Variants in SAE1 observed in about 807,000 individuals in gnomAD.
SAE1 encodes SUMO-activating enzyme subunit 1.
SAE1 carries 11 observed loss-of-function variants against 40.6 expected under a neutral mutation model. The observed-to-expected ratio is 0.27, with a 90% CI of 0.17 to 0.45. SAE1 has a LOEUF of 0.45. Among genes scored for constraint, SAE1 ranks in the 20% least tolerant of loss-of-function variants. The probability of loss-of-function intolerance (pLI) is 1.00; values close to 1 mark genes in which losing one functional copy is unlikely to be tolerated. For synonymous variants in SAE1, 155 were observed against 154.3 expected (o/e 1.00, Z -0.03); for missense variants, 373 against 427.3 (o/e 0.87, Z 1.12).
chr19:47,159,855 G>A (rs2058348052), intron 5 of SAE1, among the ~76,000 whole-genome samples: 1 of 151,966 alleles, frequency 6.6e-6, no homozygotes, highest in African/African-American at 2.4e-5. Flanking sequence ...CACCACACTC[G>A]ACTGGTTTTT....
intron 5 of SAE1, among the ~76,000 whole-genome samples, chr19:47,160,367 G>A (rs1392321552): frequency 4.7e-5 from 7 of 149,348 alleles, no homozygotes; most frequent in Non-Finnish European, 1.0e-4. Flanking sequence ...AACTACAGGT[G>A]CGCGCCACCA....
intron 7 of SAE1, among the ~76,000 whole-genome samples, chr19:47,201,523 C>T (rs944989380): frequency 2.0e-5 from 3 of 151,118 alleles, no homozygotes; most frequent in African/African-American, 7.3e-5. Context: ...AGGCACGTGC[C>T]ACCACGCCCA....
intron 7 of SAE1, among the ~76,000 whole-genome samples, chr19:47,203,304 C>T (rs1248279836): frequency 6.6e-6 from 1 of 152,104 alleles, no homozygotes; most frequent in Admixed American, 6.6e-5. Context: ...CATATAGAAC[C>T]CACTGGCCAT....
intron 1 of SAE1, among the ~76,000 whole-genome samples, chr19:47,140,503 T>G (rs2123186992): frequency 6.6e-6 from 1 of 151,874 alleles, no homozygotes; most frequent in Middle Eastern, 3.4e-3. Flanking sequence ...CTACCCACCT[T>G]GGCCTCCCAA....
intron 6 of SAE1, among the ~76,000 whole-genome samples, chr19:47,186,544 G>A (rs2123288529): frequency 6.6e-6 from 1 of 152,198 alleles, no homozygotes; most frequent in Non-Finnish European, 1.5e-5. Flanking sequence ...AGGTCCCTCA[G>A]CCTTCTTGCT....
chr19:47,132,050 C>T (rs1216078937), intron 1 of SAE1, among the ~76,000 whole-genome samples: 2 of 151,956 alleles, frequency 1.3e-5, no homozygotes, highest in African/African-American at 4.8e-5. Flanking sequence ...CAGCCTCTGG[C>T]CTCCCGGGTT....
intron 2 of SAE1, 140 bp downstream of exon 2, chr19:47,143,745 C>G (rs1316250175): frequency 1.6e-6 from 1 of 641,858 alleles, no homozygotes; most frequent in Non-Finnish European, 2.8e-6. Context: ...CCTCTGGAGA[C>G]TGAAGGTGCT....
chr19:47,197,786 AGTT>A (rs770708654), intron 7 of SAE1, among the ~76,000 whole-genome samples: 3 of 152,146 alleles, frequency 2.0e-5, no homozygotes, highest in East Asian at 1.9e-4. Context: ...TGCTCACTCA[AGTT>A]GTGTTCAGGC....
intron 6 of SAE1, among the ~76,000 whole-genome samples, chr19:47,174,855 G>C (rs1024939588): frequency 6.6e-6 from 1 of 151,640 alleles, no homozygotes; most frequent in African/African-American, 2.4e-5. Context: ...TTACAGGCGT[G>C]AGCCACCGCG....
intron 1 of SAE1, among the ~76,000 whole-genome samples, chr19:47,133,729 T>C (rs1026762369): frequency 6.6e-6 from 1 of 152,178 alleles, no homozygotes; most frequent in African/African-American, 2.4e-5. Context: ...AAGTCCAGGA[T>C]GACACCACTG....
At chr19:47,155,063 T>C (rs11666272) in intron 4 of SAE1, 51 bp from the exon 5 acceptor site, 215,703 of 1,178,036 alleles carry the variant, frequency 0.18, 21,516 homozygotes, top group East Asian at 0.39. Flanking sequence ...TTGATTCCAA[T>C]AACATGATTC....
At chr19:47,146,337 A>G (rs2058255426) in intron 2 of SAE1, among the ~76,000 whole-genome samples, 1 of 143,908 alleles carries the variant, frequency 6.9e-6, no homozygotes, top group Admixed American at 6.9e-5. Context: ...TAGATCAGTA[A>G]TTACTGTATA....
At chr19:47,192,747 C>G (rs1031874309) in intron 6 of SAE1, among the ~76,000 whole-genome samples, 4 of 151,992 alleles carry the variant, frequency 2.6e-5, no homozygotes, top group African/African-American at 9.7e-5. Flanking sequence ...ACCATGTTGG[C>G]CAGGCTGGTC....
At chr19:47,195,277 A>G (rs1455394058) in intron 6 of SAE1, among the ~76,000 whole-genome samples, 4 of 151,228 alleles carry the variant, frequency 2.6e-5, no homozygotes, top group South Asian at 2.1e-4. Flanking sequence ...TTGGTCTCGA[A>G]CTCCTGACCT....
intron 1 of SAE1, among the ~76,000 whole-genome samples, chr19:47,137,489 T>C (rs952989660): frequency 6.6e-5 from 10 of 152,176 alleles, no homozygotes; most frequent in African/African-American, 2.4e-4. Flanking sequence ...TTATTGATAG[T>C]TGACAATTAC....
At chr19:47,169,432 A>G (rs966389513) in intron 5 of SAE1, among the ~76,000 whole-genome samples, 14 of 151,862 alleles carry the variant, frequency 9.2e-5, no homozygotes, top group Non-Finnish European at 1.9e-4. Context: ...ATTTGTAGAG[A>G]CGGGGGTTTC....
chr19:47,136,325 A>C (rs955401814), intron 1 of SAE1, among the ~76,000 whole-genome samples: 1 of 150,430 alleles, frequency 6.6e-6, no homozygotes, highest in African/African-American at 2.4e-5. Context: ...TTTTTAGTAG[A>C]GATGGGGTTG....
chr19:47,174,307 T>C (rs1460332814), intron 6 of SAE1, among the ~76,000 whole-genome samples: 1 of 151,542 alleles, frequency 6.6e-6, no homozygotes, highest in African/African-American at 2.4e-5. Flanking sequence ...TTCTTTTTTT[T>C]TTTTTTTGGT....
intron 1 of SAE1, among the ~76,000 whole-genome samples, chr19:47,132,763 T>A (rs981631197): frequency 6.6e-6 from 1 of 151,680 alleles, no homozygotes; most frequent in African/African-American, 2.4e-5. Context: ...TGACATAAGT[T>A]TATAGTCCCA....
Sources: allele counts gnomAD v4.1 joint callset (sites outside exome capture counted in the v4.1 genomes callset), GRCh38; gene constraint gnomAD v4.1.1; transcripts MANE v1.5; gene names NCBI Gene and HGNC (gene_info 2026-07-23, HGNC 2026-07-21).